Variants in CHSY3 observed in about 807,000 individuals in gnomAD.
CHSY3 encodes the protein N-acetylgalactosaminyl-proteoglycan 3-beta-glucuronosyltransferase 3.
In CHSY3, 35 loss-of-function variants were observed where a neutral mutation model predicts 67.2. The observed-to-expected ratio is 0.52, with a 90% CI of 0.40 to 0.69. The LOEUF (loss-of-function observed/expected upper bound fraction) is 0.69, where lower values mean the gene tolerates loss of function less well. Ranked by LOEUF, CHSY3 falls within the 30% of genes least tolerant of loss-of-function variation. The pLI, the probability that CHSY3 is intolerant of heterozygous loss-of-function variation, is 0.00. For missense variants in CHSY3, 1,069 were observed against 1,138.5 expected (o/e 0.94, Z 0.88); for synonymous variants, 474 against 434.7 (o/e 1.09, Z -1.12).
chr5:130,151,130 T>C (rs1769221377), intron 2 of CHSY3, among the ~76,000 whole-genome samples: 1 of 152,234 alleles, frequency 6.6e-6, no homozygotes, highest in Non-Finnish European at 1.5e-5. Context: ...GGGTGTCATA[T>C]TTCTGTGATA....
intron 2 of CHSY3, among the ~76,000 whole-genome samples, chr5:130,068,302 A>G (rs1765949848): frequency 6.6e-6 from 1 of 152,264 alleles, no homozygotes; most frequent in Non-Finnish European, 1.5e-5. Context: ...TTTCAGTTTC[A>G]GAGGATTTCA....
chr5:130,123,040 A>G (rs76678515), intron 2 of CHSY3, among the ~76,000 whole-genome samples: 6,839 of 151,184 alleles, frequency 0.045, 381 homozygotes, highest in East Asian at 0.27. Context: ...CATTTCTTGA[A>G]TTAGGAGGTA....
chr5:130,028,821 G>C (rs1277620667), intron 2 of CHSY3, among the ~76,000 whole-genome samples: 1 of 151,278 alleles, frequency 6.6e-6, no homozygotes, highest in African/African-American at 2.4e-5. Context: ...CCTTTCTAAA[G>C]CTCTCTTATT....
intron 2 of CHSY3, among the ~76,000 whole-genome samples, chr5:130,176,418 T>A (rs956745343): frequency 2.0e-5 from 3 of 152,268 alleles, no homozygotes; most frequent in African/African-American, 7.2e-5. Flanking sequence ...TGTAAATTAG[T>A]TCAACCATTG....
intron 2 of CHSY3, among the ~76,000 whole-genome samples, chr5:130,036,343 A>G (rs771764907): frequency 7.2e-5 from 11 of 152,152 alleles, no homozygotes; most frequent in Admixed American, 2.0e-4. Context: ...TTTTCCTAGT[A>G]TATCTCTTCC....
At chr5:130,083,826 C>T (rs17593108) in intron 2 of CHSY3, among the ~76,000 whole-genome samples, 8,459 of 151,880 alleles carry the variant, frequency 0.056, 355 homozygotes, top group Non-Finnish European at 0.082. Flanking sequence ...GGAAATACCT[C>T]AGAAGCCTTT....
At chr5:129,918,573 C>T (rs1479757127) in intron 2 of CHSY3, among the ~76,000 whole-genome samples, 1 of 152,004 alleles carries the variant, frequency 6.6e-6, no homozygotes, top group African/African-American at 2.4e-5. Context: ...CCGAGGAGAG[C>T]AGGAAAATGC....
intron 2 of CHSY3, among the ~76,000 whole-genome samples, chr5:130,037,925 T>G (rs1377569615): frequency 1.3e-5 from 2 of 152,176 alleles, no homozygotes; most frequent in East Asian, 3.9e-4. Flanking sequence ...ATATTTATTT[T>G]TAGAATCACT....
chr5:129,915,315 A>G (rs1425469584), intron 2 of CHSY3, among the ~76,000 whole-genome samples: 4 of 152,124 alleles, frequency 2.6e-5, no homozygotes, highest in Admixed American at 6.6e-5. Context: ...GTTCTTCACA[A>G]TTCTAATGTT....
At chr5:129,912,643 G>C (rs555974969) in intron 2 of CHSY3, among the ~76,000 whole-genome samples, 1 of 152,270 alleles carries the variant, frequency 6.6e-6, no homozygotes, top group Non-Finnish European at 1.5e-5. Flanking sequence ...CAGGTTCCTA[G>C]TAAATTAATG....
chr5:130,072,082 A>G (rs1766092123), intron 2 of CHSY3, among the ~76,000 whole-genome samples: 1 of 151,766 alleles, frequency 6.6e-6, no homozygotes, highest in African/African-American at 2.4e-5. Flanking sequence ...TGAGTTCCTT[A>G]TGTATTTTTT....
At chr5:130,174,490 A>G (rs921473162) in intron 2 of CHSY3, among the ~76,000 whole-genome samples, 1 of 152,206 alleles carries the variant, frequency 6.6e-6, no homozygotes, top group African/African-American at 2.4e-5. Flanking sequence ...TTAGTTCTCA[A>G]ATTATGATCT....
intron 2 of CHSY3, among the ~76,000 whole-genome samples, chr5:130,108,862 GAATAGTCCTTTTGTATTGCATCTATTA>G (rs1554083149): frequency 1.3e-5 from 2 of 151,606 alleles, no homozygotes; most frequent in Non-Finnish European, 3.0e-5. Flanking sequence ...CAAGCACCCA[GAATAGTCCTTTTGTATTGCATCTATTA>G]AATATAAGGC....
intron 2 of CHSY3, among the ~76,000 whole-genome samples, chr5:130,106,943 T>C (rs369411947): frequency 1.1e-4 from 17 of 151,650 alleles, no homozygotes; most frequent in Admixed American, 6.6e-4. Context: ...AGTTACCTTT[T>C]TGACAATTTG....
intron 2 of CHSY3, among the ~76,000 whole-genome samples, chr5:130,053,407 G>T (rs1765428951): frequency 6.6e-6 from 1 of 152,104 alleles, no homozygotes; most frequent in Admixed American, 6.6e-5. Context: ...TTGGAGGTGG[G>T]AAGCCCAGGT....
chr5:130,132,352 A>G (rs781692146), intron 2 of CHSY3, among the ~76,000 whole-genome samples: 11 of 152,190 alleles, frequency 7.2e-5, no homozygotes, highest in Non-Finnish European at 1.3e-4. Flanking sequence ...AACTAAAACT[A>G]CCGTAGGAAC....
chr5:130,146,944 C>T (rs1159827314), intron 2 of CHSY3, among the ~76,000 whole-genome samples: 10 of 152,106 alleles, frequency 6.6e-5, no homozygotes, highest in Non-Finnish European at 1.0e-4. Context: ...CAGGTGCCTG[C>T]CACCATGCCC....
At chr5:129,909,200 G>A (rs2149575188) in intron 2 of CHSY3, among the ~76,000 whole-genome samples, 1 of 152,058 alleles carries the variant, frequency 6.6e-6, no homozygotes, top group South Asian at 2.1e-4. Flanking sequence ...GATAATTTTA[G>A]TAAAAATTTA....
At chr5:129,949,829 A>G (rs1378016318) in intron 2 of CHSY3, among the ~76,000 whole-genome samples, 2 of 152,166 alleles carry the variant, frequency 1.3e-5, no homozygotes, top group Non-Finnish European at 2.9e-5. Flanking sequence ...AGTAAAGTTG[A>G]TACACCATAT....
Sources: gnomAD v4.1 joint callset for allele counts (sites outside exome capture counted in the v4.1 genomes callset) on GRCh38, gnomAD v4.1.1 for gene constraint, MANE v1.5 for transcripts, NCBI Gene and HGNC (gene_info 2026-07-23, HGNC 2026-07-21) for gene names.